Variants in LRRC52 observed in about 807,000 individuals in gnomAD.
LRRC52 encodes leucine rich repeat containing 52.
LRRC52 carries 15 observed loss-of-function variants against 14.7 expected under a neutral mutation model. The observed-to-expected ratio is 1.02, with a 90% CI of 0.68 to 1.58. LRRC52 has a LOEUF of 1.58. Among genes scored for constraint, LRRC52 ranks in the 40% most tolerant of loss-of-function variants. The pLI is 0.00. For missense variants in LRRC52, 400 were observed against 387.7 expected, an observed-to-expected ratio of 1.03 and a Z score of -0.27; for synonymous variants, 180 against 163.9, an observed-to-expected ratio of 1.10 and a Z score of -0.75.
chr1:165,558,465 A>G (rs1036974894), intron 1 of LRRC52, among the ~76,000 whole-genome samples: 2 of 152,362 alleles, frequency 1.3e-5, no homozygotes, highest in African/African-American at 4.8e-5. Flanking sequence ...TATTCATTCC[A>G]TAGCATGGGA....
intron 1 of LRRC52, among the ~76,000 whole-genome samples, chr1:165,554,442 G>A (rs117732922): frequency 1.1e-3 from 167 of 151,990 alleles, no homozygotes; most frequent in Admixed American, 2.5e-3. Context: ...TGTTGTTGTT[G>A]TTGTTGTTGT....
chr1:165,563,125 T>C (rs1192481717), intron 1 of LRRC52, among the ~76,000 whole-genome samples: 6 of 152,174 alleles, frequency 3.9e-5, no homozygotes, highest in Non-Finnish European at 8.8e-5. Flanking sequence ...CAACACTCCA[T>C]GGCAATCTTG....
intron 1 of LRRC52, among the ~76,000 whole-genome samples, chr1:165,551,581 G>T (rs1661133396): frequency 6.6e-6 from 1 of 152,188 alleles, no homozygotes; most frequent in South Asian, 2.1e-4. Context: ...CTCTGTGTCA[G>T]CTCTGATAGC....
intron 1 of LRRC52, among the ~76,000 whole-genome samples, chr1:165,547,088 G>A (rs1405852947): frequency 1.3e-5 from 2 of 151,806 alleles, no homozygotes. Context: ...TTAAACTTGT[G>A]CCCTCAGCCT....
intron 1 of LRRC52, among the ~76,000 whole-genome samples, chr1:165,558,606 A>C (rs541803730): frequency 1.3e-5 from 2 of 152,242 alleles, no homozygotes; most frequent in Non-Finnish European, 2.9e-5. Context: ...CTCTGAAGTC[A>C]TCATACTAGA....
At chr1:165,559,250 G>T (rs189925575) in intron 1 of LRRC52, among the ~76,000 whole-genome samples, 31 of 152,246 alleles carry the variant, frequency 2.0e-4, no homozygotes, top group Admixed American at 1.6e-3. Flanking sequence ...TTAGCTGGGC[G>T]TGGTGGCGTG....
rs4323693 is a variant in LRRC52 at position 165,554,277 on chromosome 1, C to T, written c.623-9228C>T. 1.7e-3 allele frequency among the ~76,000 whole-genome samples: 266 copies of T among 152,156 alleles called. 4 individuals carry two copies. The highest frequency in any genetic ancestry group is 6.2e-3 in the African/African-American group (258 of 41,492). On this transcript the variant is annotated intron_variant, in intron 1 of 1. Coordinates refer to ENST00000294818, the MANE Select transcript of LRRC52 (RefSeq NM_001005214.4). ...CACGAGATGCAGAGGACGGGTAAAG[C>T]AATGTGGGTTTGCAGAAACAAACAG...
At chr1:165,560,119 A>G (rs1661313287) in intron 1 of LRRC52, among the ~76,000 whole-genome samples, 1 of 152,266 alleles carries the variant, frequency 6.6e-6, no homozygotes, top group African/African-American at 2.4e-5. Context: ...AACTCCATAC[A>G]GACAGTGGCC....
intron 1 of LRRC52, among the ~76,000 whole-genome samples, chr1:165,553,938 A>G (rs988760292): frequency 6.6e-6 from 1 of 152,170 alleles, no homozygotes; most frequent in African/African-American, 2.4e-5. Flanking sequence ...GGCGACTATA[A>G]AATATCCATT....
intron 1 of LRRC52, among the ~76,000 whole-genome samples, chr1:165,561,184 T>A (rs543444010): frequency 6.6e-6 from 1 of 152,224 alleles, no homozygotes; most frequent in African/African-American, 2.4e-5. Context: ...TTAAAATCAC[T>A]GCCTAATTGC....
intron 1 of LRRC52, among the ~76,000 whole-genome samples, chr1:165,550,084 C>G (rs1181080287): frequency 6.6e-6 from 1 of 152,148 alleles, no homozygotes; most frequent in East Asian, 1.9e-4. Flanking sequence ...CCTTTCTGGC[C>G]CAGGTTAGCA....
chr1:165,562,658 C>T (rs1208278146), intron 1 of LRRC52, among the ~76,000 whole-genome samples: 1 of 150,560 alleles, frequency 6.6e-6, no homozygotes, highest in Admixed American at 6.7e-5. Context: ...GGATTAGAAG[C>T]CTGGCCTGTC....
chr1:165,545,101 G>T (rs1177655952), intron 1 of LRRC52, among the ~76,000 whole-genome samples, 183 bp downstream of exon 1: 1 of 152,096 alleles, frequency 6.6e-6, no homozygotes, highest in Non-Finnish European at 1.5e-5. Flanking sequence ...TCTGAAATAG[G>T]AATTCAAAGA....
chr1:165,557,464 G>T (rs1260451069), intron 1 of LRRC52, among the ~76,000 whole-genome samples: 1 of 152,192 alleles, frequency 6.6e-6, no homozygotes, highest in Non-Finnish European at 1.5e-5. Flanking sequence ...AGCCCAAGGG[G>T]TTTGAATAAC....
intron 1 of LRRC52, among the ~76,000 whole-genome samples, chr1:165,559,186 C>T (rs1557967055): frequency 1.3e-5 from 2 of 152,084 alleles, no homozygotes; most frequent in Admixed American, 1.3e-4. Flanking sequence ...GTCAGGAGTC[C>T]GAGACCAGCC....
Position 165,544,080 on chromosome 1 carries a change from G to A in LRRC52, c.-217G>A, listed in dbSNP as rs1006623879. On this transcript the variant is annotated 5_prime_UTR_variant, in exon 1 of 2. Coordinates refer to ENST00000294818, the MANE Select transcript of LRRC52 (RefSeq NM_001005214.4). ...GCAAGCTTCCAGCAGCAGTCTGGGAGCGAGCGACAGAGCCACCAAGCTGGG... is the reference window on the plus strand; with the variant it reads ...GCAAGCTTCCAGCAGCAGTCTGGGAACGAGCGACAGAGCCACCAAGCTGGG... 9.9e-6 allele frequency: 6 copies of A among 605,042 alleles called. No individual in the cohort carries two copies. Among genetic ancestry groups the A allele is most frequent in the African/African-American group, 9.3e-5 (5 of 54,004 alleles). 37.5% of individuals were successfully genotyped at this position (605,042 alleles called of 1,614,324 possible). A position where few individuals can be genotyped will look rare whatever the true frequency, so the allele number is the denominator to read the frequency against.
At chr1:165,559,723 T>A (rs1217375173) in intron 1 of LRRC52, among the ~76,000 whole-genome samples, 2 of 152,072 alleles carry the variant, frequency 1.3e-5, no homozygotes, top group Non-Finnish European at 1.5e-5. Context: ...GAAGCAAGAG[T>A]TAAGTTTCTA....
At chr1:165,556,421 T>C (rs530909652) in intron 1 of LRRC52, among the ~76,000 whole-genome samples, 2 of 152,288 alleles carry the variant, frequency 1.3e-5, no homozygotes, top group South Asian at 4.1e-4. Context: ...ATAAGAATTA[T>C]ACTTTGCACA....
At chr1:165,550,837 G>A (rs183314241) in intron 1 of LRRC52, among the ~76,000 whole-genome samples, 2 of 152,166 alleles carry the variant, frequency 1.3e-5, no homozygotes, top group Admixed American at 1.3e-4. Context: ...AGGAAGCCCT[G>A]TCTTGATCCC....
Sources: gnomAD v4.1 joint callset for allele counts (sites outside exome capture counted in the v4.1 genomes callset) on GRCh38, gnomAD v4.1.1 for gene constraint, MANE v1.5 for transcripts, NCBI Gene and HGNC (gene_info 2026-07-23, HGNC 2026-07-21) for gene names.